The following TASOR variants were observed in gnomAD, a reference collection of about 807,000 sequenced individuals.
The protein encoded by TASOR is protein TASOR.
Under a neutral mutation model 178.6 loss-of-function variants are expected in TASOR, and 53 were observed. The observed-to-expected ratio is 0.30, with a 90% CI of 0.24 to 0.37. The LOEUF (loss-of-function observed/expected upper bound fraction) is 0.37. Among genes scored for constraint, TASOR ranks in the 10% least tolerant of loss-of-function variants. TASOR has a pLI of 1.00. For synonymous variants in TASOR, 713 were observed against 696.2 expected, an observed-to-expected ratio of 1.02 and a Z score of -0.38; for missense variants, 1,815 against 1,971.4, an observed-to-expected ratio of 0.92 and a Z score of 1.50.
At chr3:56,680,345 G>C (rs984940704) in intron 1 of TASOR, among the ~76,000 whole-genome samples, 91 of 152,154 alleles carry the variant, frequency 6.0e-4, no homozygotes, top group African/African-American at 2.1e-3. Flanking sequence ...CACTATACAA[G>C]TGTTTGCCAA....
intron 21 of TASOR, 31 bp from the exon 22 acceptor site, chr3:56,625,037 C>T (rs369016348): frequency 1.0e-4 from 166 of 1,587,354 alleles, no homozygotes; most frequent in Non-Finnish European, 1.4e-4. Flanking sequence ...GTTTCTGGAT[C>T]TGTACTTCTA....
intron 3 of TASOR, 132 bp downstream of exon 3, chr3:56,671,468 C>T: frequency 3.4e-6 from 2 of 589,516 alleles, no homozygotes; most frequent in South Asian, 5.8e-5. Context: ...CATTTTGCCC[C>T]ATTAAATCAT....
intron 1 of TASOR, 146 bp from the exon 2 acceptor site, chr3:56,673,871 C>G: frequency 1.5e-6 from 1 of 664,006 alleles, no homozygotes. Context: ...AAAAGAGATA[C>G]TTATTAACTC....
Position 56,663,590 on chromosome 3 carries a change from G to A in TASOR, c.1023-18C>T. 1 of 1,295,268 alleles carries A rather than the reference G, an allele frequency of 7.7e-7. No individual in the cohort carries two copies. Among genetic ancestry groups the A allele is most frequent in the Non-Finnish European group, 1.0e-6 (1 of 990,024 alleles). 80.2% of individuals were successfully genotyped at this position (1,295,268 alleles called of 1,614,324 possible). On this transcript the variant is annotated intron_variant, in intron 7 of 23. Coordinates refer to ENST00000683822, the MANE Select transcript of TASOR (RefSeq NM_001365635.2). ...TGTTAGATCTACAAATTTTTTAAAA[G>A]AAAAGAAAAACATTACTCATTAGTA...
At chr3:56,671,441 A>G in intron 3 of TASOR, 159 bp downstream of exon 3, 1 of 540,750 alleles carries the variant, frequency 1.8e-6, no homozygotes, top group Non-Finnish European at 3.2e-6. Flanking sequence ...TTTGAAAAAC[A>G]AATTACAAAC....
chr3:56,629,713 G>A (rs895819646), intron 18 of TASOR, among the ~76,000 whole-genome samples: 3 of 152,036 alleles, frequency 2.0e-5, no homozygotes, highest in Non-Finnish European at 4.4e-5. Context: ...GGATCCTGGA[G>A]GTCATATTCC....
chr3:56,649,533 T>C (rs1052140738), intron 11 of TASOR, among the ~76,000 whole-genome samples: 1 of 152,188 alleles, frequency 6.6e-6, no homozygotes, highest in African/African-American at 2.4e-5. Flanking sequence ...ACTTTTCACA[T>C]GTAAGGGAAT....
At chr3:56,647,325 T>C (rs1033676969) in intron 13 of TASOR, 102 bp from the exon 14 acceptor site, 6 of 914,502 alleles carry the variant, frequency 6.6e-6, no homozygotes, top group East Asian at 2.6e-5. Flanking sequence ...AAAACATTTA[T>C]ACATTAATGT....
chr3:56,653,396 A>G (rs1332367736), intron 11 of TASOR, among the ~76,000 whole-genome samples: 1 of 149,372 alleles, frequency 6.7e-6, no homozygotes, highest in East Asian at 2.0e-4. Flanking sequence ...AGATATACCA[A>G]GCTGGATAAA....
intron 4 of TASOR, 133 bp from the exon 5 acceptor site, chr3:56,669,924 A>G: frequency 1.1e-6 from 1 of 876,502 alleles, no homozygotes; most frequent in Non-Finnish European, 1.7e-6. Context: ...GATAAAACTG[A>G]TCTTACATTT....
Position 56,623,481 on chromosome 3 carries a change from A to G in TASOR, c.4569T>C (p.Asn1523=), listed in dbSNP as rs2076732952. The change falls in exon 24 of 24, where the codon AAT becomes AAC. Residue 1523 remains asparagine, a synonymous_variant. Coordinates refer to ENST00000683822, the MANE Select transcript of TASOR (RefSeq NM_001365635.2). ...CTTTCTCCCATATTTCTGAATGAAA[A>G]TTGCTGCATACTTCTATATGTGAGA... ...DEISHIEVCS[N]FHSEIWEKET... is the part of the protein sequence containing the mutation. 6.2e-7 allele frequency: 1 copy of G among 1,613,060 alleles called. No individual in the cohort carries two copies. The highest frequency in any genetic ancestry group is 1.3e-5 in the African/African-American group (1 of 74,914).
Position 56,621,401 on chromosome 3 carries a change from A to C in TASOR, c.*1636T>G, listed in dbSNP as rs1308431394. On this transcript the variant is annotated 3_prime_UTR_variant, in exon 24 of 24. Transcript: ENST00000683822. ...AGGTGGTCTAGTACAAGCATTTCTG[A>C]AAAAATTTTTGAATGACAAAATTTT... 4.5e-5 allele frequency: 25 copies of C among 552,760 alleles called. No individual in the cohort carries two copies. The highest frequency in any genetic ancestry group is 6.8e-5 in the Non-Finnish European group (22 of 324,430). The allele number at this position is 552,760 out of a possible 1,614,324, so 34.2% of individuals were successfully genotyped here.
intron 13 of TASOR, 119 bp downstream of exon 13, chr3:56,648,703 C>T: frequency 1.7e-6 from 1 of 589,786 alleles, no homozygotes; most frequent in Non-Finnish European, 3.0e-6. Flanking sequence ...CCTCTTAACC[C>T]CCAGTATTTC....
Position 56,651,600 on chromosome 3 carries a change from T to TA in TASOR, c.1369-2544dup, listed in dbSNP as rs572105320. On this transcript the variant is annotated intron_variant, in intron 11 of 23. Transcript: ENST00000683822. ...CTATAGTCCTGGCTACTTGGAAAGCTAAGGTGGGAGAATTGCCTGATCCTG... is the reference window on the plus strand; with the variant it reads ...CTATAGTCCTGGCTACTTGGAAAGCTAAAGGTGGGAGAATTGCCTGATCCTG... 1.6e-3 allele frequency among the ~76,000 whole-genome samples: 241 copies of TA among 151,980 alleles called. 2 individuals carry two copies. The highest frequency in any genetic ancestry group is 2.5e-3 in the Non-Finnish European group (172 of 68,006).
rs772310928 is a variant in TASOR, at chr3:56,622,319, T to C, written c.*718A>G. The stretch of plus-strand genomic sequence containing the variant: ...CCACCTCAAAAATATATTCCCATTA[T>C]ACTTCCATTTTGCTAAAACTAATTT... On this transcript the variant is annotated 3_prime_UTR_variant, in exon 24 of 24. Coordinates refer to ENST00000683822, the MANE Select transcript of TASOR (RefSeq NM_001365635.2). The C allele has an allele frequency of 2.0e-5, 3 of 152,178 alleles. No individual in the cohort carries two copies. The highest frequency in any genetic ancestry group is 2.9e-5 in the Non-Finnish European group (2 of 68,008). 9.4% of individuals were successfully genotyped at this position (152,178 alleles called of 1,614,324 possible).
intron 1 of TASOR, among the ~76,000 whole-genome samples, chr3:56,681,111 G>A (rs1181174027): frequency 6.7e-6 from 1 of 150,042 alleles, no homozygotes; most frequent in African/African-American, 2.5e-5. Context: ...AAAAAATCAC[G>A]GTTTGTCCAT....
intron 18 of TASOR, among the ~76,000 whole-genome samples, chr3:56,630,523 T>C (rs1473845355): frequency 6.6e-6 from 1 of 152,176 alleles, no homozygotes; most frequent in African/African-American, 2.4e-5. Context: ...CACAATTAAT[T>C]AGGAAATGCA....
chr3:56,673,563 T>C lies in TASOR; in HGVS notation c.477+17A>G. On this transcript the variant is annotated intron_variant, in intron 2 of 23. Coordinates refer to ENST00000683822, the MANE Select transcript of TASOR (RefSeq NM_001365635.2). ...GTTCTGAAAACAATCTTACAGTAAG[T>C]ATAATTTAAAACATACCTCCTTTTC... 3 of 1,527,800 alleles carry C rather than the reference T, an allele frequency of 2.0e-6. No homozygotes were observed. Among genetic ancestry groups the C allele is most frequent in the Non-Finnish European group, 2.6e-6 (3 of 1,137,660 alleles). The allele number at this position is 1,527,800 out of a possible 1,614,324, so 94.6% of individuals were successfully genotyped here. A position where few individuals can be genotyped will look rare whatever the true frequency, so the allele number is the denominator to read the frequency against.
chr3:56,633,232 C>G lies in TASOR; in HGVS notation c.3559G>C (p.Val1187Leu). ...IVPGDMAREP[V>L]EETTKSPSDV... ...CTGGGGGATTTTGTTGTTTCTTCTA[C>G]TGGTTCCCGGGCCATATCACCAGGT... Residue 1187 changes from valine (V) to leucine (L), a missense_variant, in exon 18 of 24, where the codon GTA becomes CTA. Val to Leu is a conservative substitution (Grantham distance 32, BLOSUM62 1). Transcript: ENST00000683822. 1 of 1,614,144 alleles carries G rather than the reference C, an allele frequency of 6.2e-7. No homozygotes were observed. Among genetic ancestry groups the G allele is most frequent in the African/African-American group, 1.3e-5 (1 of 75,054 alleles).
Sources: allele counts gnomAD v4.1 joint callset (sites outside exome capture counted in the v4.1 genomes callset), GRCh38; gene constraint gnomAD v4.1.1; transcripts MANE v1.5; gene names NCBI Gene and HGNC (gene_info 2026-07-23, HGNC 2026-07-21).